KIAA2012: variants seen among roughly 807,000 people sequenced by gnomAD.
The protein encoded by KIAA2012 is uncharacterized protein KIAA2012.
Under a neutral mutation model 150.6 loss-of-function variants are expected in KIAA2012, and 125 were observed. The ratio of observed to expected loss-of-function variants is 0.83; its 90% CI spans 0.72 to 0.96. The LOEUF (loss-of-function observed/expected upper bound fraction) is 0.96, where lower values mean the gene tolerates loss of function less well. Ranked by LOEUF, KIAA2012 falls within the 40% of genes least tolerant of loss-of-function variation. KIAA2012 has a pLI of 0.00. For synonymous variants in KIAA2012, 462 were observed against 504.7 expected (o/e 0.92, Z 1.13); for missense variants, 1,219 against 1,354.9 (o/e 0.90, Z 1.57).
intron 22 of KIAA2012, chr2:202,201,827 A>T: frequency 7.7e-7 from 1 of 1,293,428 alleles, no homozygotes; most frequent in Non-Finnish European, 1.1e-6. Flanking sequence ...GGTAGACTGG[A>T]TTCCCAGGAG....
intron 12 of KIAA2012, among the ~76,000 whole-genome samples, chr2:202,129,283 A>G (rs183255769): frequency 6.6e-6 from 1 of 150,480 alleles, no homozygotes; most frequent in Middle Eastern, 3.2e-3. Context: ...GCAGTGGCAC[A>G]ATCTTGGCTC....
chr2:202,189,834 G>A (rs766548325), intron 18 of KIAA2012, among the ~76,000 whole-genome samples: 61 of 152,092 alleles, frequency 4.0e-4, no homozygotes, highest in Middle Eastern at 3.4e-3. Context: ...GCGCACACCT[G>A]TAATCCCATC....
chr2:202,149,987 A>G (rs980969495), intron 13 of KIAA2012, among the ~76,000 whole-genome samples: 1 of 152,212 alleles, frequency 6.6e-6, no homozygotes, highest in Non-Finnish European at 1.5e-5. Flanking sequence ...AAGTTTTGCT[A>G]TATTATATAT....
chr2:202,160,605 G>A (rs185735185), intron 14 of KIAA2012, among the ~76,000 whole-genome samples: 11 of 152,076 alleles, frequency 7.2e-5, no homozygotes, highest in Admixed American at 3.9e-4. Context: ...GAGCCACCAC[G>A]CCCGGCCAAA....
At chr2:202,078,452 C>A (rs1663317333) in intron 2 of KIAA2012, among the ~76,000 whole-genome samples, 2 of 152,064 alleles carry the variant, frequency 1.3e-5, no homozygotes, top group South Asian at 4.1e-4. Context: ...CCATGCCGGG[C>A]CAATTTTTTG....
Position 202,172,906 on chromosome 2 carries a change from CT to C in KIAA2012, c.2119+7551del, listed in dbSNP as rs1691923041. Among the ~76,000 whole-genome samples, 3 of 152,252 alleles carry C rather than the reference CT, an allele frequency of 2.0e-5. No homozygotes were observed. The South Asian group carries it at 6.2e-4, about 31-fold the overall frequency. On this transcript the variant is annotated intron_variant, in intron 15 of 23. Transcript: ENST00000498697. ...GCCTGCACAGTCATGGCACAGCACA[CT>C]GCCAGGCCCTGCTATCTGCAGCCTG...
At chr2:202,136,003 A>G in intron 12 of KIAA2012, 1 of 333,076 alleles carries the variant, frequency 3.0e-6, no homozygotes. Context: ...TAAAAAAAAA[A>G]AAAATTTTTT....
At chr2:202,139,255 A>T (rs1182531116) in intron 13 of KIAA2012, among the ~76,000 whole-genome samples, 1 of 151,038 alleles carries the variant, frequency 6.6e-6, no homozygotes, top group African/African-American at 2.4e-5. Flanking sequence ...AAAAAAAAGA[A>T]TATCTATTAG....
intron 22 of KIAA2012, chr2:202,201,780 G>GT: frequency 1.5e-6 from 2 of 1,305,386 alleles, no homozygotes; most frequent in South Asian, 2.4e-5. Flanking sequence ...CGGAGCATCA[G>GT]TATAGGGTAG....
intron 21 of KIAA2012, 150 bp downstream of exon 21, chr2:202,194,512 T>C (rs1476604627): frequency 1.2e-6 from 1 of 848,340 alleles, no homozygotes; most frequent in Non-Finnish European, 1.8e-6. Flanking sequence ...TGATTATGTA[T>C]GACTATAATT....
At chr2:202,122,082 G>T (rs866286249) in intron 11 of KIAA2012, among the ~76,000 whole-genome samples, 28 of 152,348 alleles carry the variant, frequency 1.8e-4, no homozygotes, top group Middle Eastern at 6.8e-3. Context: ...CTGTGGAGGG[G>T]CTTCATGCTG....
intron 13 of KIAA2012, among the ~76,000 whole-genome samples, chr2:202,143,156 C>T (rs1052651722): frequency 1.3e-5 from 2 of 149,200 alleles, no homozygotes; most frequent in Admixed American, 6.7e-5. Context: ...ACAAACTCGG[C>T]TCACTGCAAC....
chr2:202,197,929 T>G (rs912669633), intron 22 of KIAA2012: 2 of 148,488 alleles, frequency 1.3e-5, no homozygotes, highest in African/African-American at 5.0e-5. Flanking sequence ...ATCCTAGCAC[T>G]TTGGGAGGCT....
At chr2:202,194,467 T>A in intron 21 of KIAA2012, 105 bp downstream of exon 21, 1 of 1,128,974 alleles carries the variant, frequency 8.9e-7, no homozygotes, top group Non-Finnish European at 1.2e-6. Context: ...CTTAGTGTGT[T>A]AAGCACTCTA....
In KIAA2012 at chr2:202,192,230, A is replaced by G. The variant is rs181133195; in HGVS notation, c.2812-1071A>G. 6.6e-5 allele frequency among the ~76,000 whole-genome samples: 10 copies of G among 152,238 alleles called. No individual in the cohort carries two copies. The East Asian group carries it at 1.9e-3, about 29-fold the overall frequency. On this transcript the variant is annotated intron_variant, in intron 19 of 23. Coordinates refer to ENST00000498697, the MANE Select transcript of KIAA2012 (RefSeq NM_001277372.4). Reference sequence around the variant, plus strand: ...CCTCTGCAAAGACTAAAAAGCAAGGAGCTTTTTCTCTGAGTTGGATACACA... The same window carrying G: ...CCTCTGCAAAGACTAAAAAGCAAGGGGCTTTTTCTCTGAGTTGGATACACA...
intron 12 of KIAA2012, among the ~76,000 whole-genome samples, chr2:202,129,251 A>ATTTATTTTTT: frequency 6.8e-6 from 1 of 146,114 alleles, no homozygotes. Context: ...ACAGAGTCTC[A>ATTTATTTTTT]CTCTATTGCC....
At chr2:202,132,718 A>G (rs1455227981) in intron 12 of KIAA2012, among the ~76,000 whole-genome samples, 260 of 93,416 alleles carry the variant, frequency 2.8e-3, no homozygotes, top group African/African-American at 0.011. Flanking sequence ...GTATATATGT[A>G]TATATATATA....
In KIAA2012 at chr2:202,099,663, C is replaced by A; in HGVS notation, c.879C>A (p.Tyr293Ter). 6.4e-7 allele frequency: 1 copy of A among 1,550,438 alleles called. No homozygotes were observed. The highest frequency in any genetic ancestry group is 8.7e-7 in the Non-Finnish European group (1 of 1,146,900). ...GTTTATATGCTTCAAAGGAGAGCTA[C>A]AATGAAAAGACACAGCAAACCTCCA... ...HLCLYASKES[Y>*]NEKTQQTSRK... The change falls in exon 6 of 24, where the codon TAC becomes TAA. Residue 293 changes from tyrosine (Y) to a stop codon, truncating the protein, a stop_gained. Transcript: ENST00000498697. LOFTEE classifies it high-confidence loss of function.
At position 202,136,007 on chromosome 2, in the gene KIAA2012, A is replaced by ATT. The variant is rs34854434; in HGVS notation, c.1832-2418_1832-2417dup. 299 of 308,702 alleles carry ATT rather than the reference A, an allele frequency of 9.7e-4. 2 individuals are homozygous for ATT. Among genetic ancestry groups the ATT allele is most frequent in the East Asian group, 2.6e-3 (27 of 10,202 alleles). 19.1% of individuals were successfully genotyped at this position (308,702 alleles called of 1,614,324 possible). ...TGATTCAAATTTAAAAAAAAAAAAA[A>ATT]TTTTTTTTGAAACAGAGTCTCACTC... On this transcript the variant is annotated intron_variant, in intron 12 of 23. Coordinates refer to ENST00000498697, the MANE Select transcript of KIAA2012 (RefSeq NM_001277372.4).
Sources: gnomAD v4.1 joint callset for allele counts (sites outside exome capture counted in the v4.1 genomes callset) on GRCh38, gnomAD v4.1.1 for gene constraint, MANE v1.5 for transcripts, NCBI Gene and HGNC (gene_info 2026-07-23, HGNC 2026-07-21) for gene names.